The following DLG2 variants were observed in gnomAD, a reference collection of about 807,000 sequenced individuals.
The protein encoded by DLG2 is discs large MAGUK scaffold protein 2.
DLG2 carries 45 observed loss-of-function variants against 132.5 expected under a neutral mutation model. That is an observed-to-expected ratio of 0.34 (90% CI 0.27 to 0.44). The LOEUF (loss-of-function observed/expected upper bound fraction) is 0.44, where lower values mean the gene tolerates loss of function less well. Among genes scored for constraint, DLG2 ranks in the 20% least tolerant of loss-of-function variants. The probability of loss-of-function intolerance (pLI) is 1.00; values close to 1 mark genes in which losing one functional copy is unlikely to be tolerated. For synonymous variants in DLG2, 424 were observed against 419.6 expected, an observed-to-expected ratio of 1.01 and a Z score of -0.13; for missense variants, 1,045 against 1,196.9, an observed-to-expected ratio of 0.87 and a Z score of 1.87.
intron 6 of DLG2, among the ~76,000 whole-genome samples, chr11:85,057,563 G>A (rs2063582663): frequency 1.3e-5 from 2 of 151,540 alleles, no homozygotes; most frequent in Admixed American, 6.6e-5. Flanking sequence ...GACTTCAGAG[G>A]TGAATTATTC....
At chr11:84,884,881 T>C (rs1280689521) in intron 6 of DLG2, among the ~76,000 whole-genome samples, 1 of 152,134 alleles carries the variant, frequency 6.6e-6, no homozygotes, top group Non-Finnish European at 1.5e-5. Context: ...GCTGAAATCA[T>C]GTGCTATCCC....
At chr11:85,486,201 GA>G (rs2093425329) in intron 3 of DLG2, among the ~76,000 whole-genome samples, 1 of 152,070 alleles carries the variant, frequency 6.6e-6, no homozygotes, top group Non-Finnish European at 1.5e-5. Flanking sequence ...AGGGAAAGAG[GA>G]GACCAGGCAC....
chr11:83,823,019 C>G (rs907090339), intron 17 of DLG2, among the ~76,000 whole-genome samples: 1 of 152,078 alleles, frequency 6.6e-6, no homozygotes, highest in Non-Finnish European at 1.5e-5. Flanking sequence ...TCCTACCTAT[C>G]CTGAAGGTAC....
intron 11 of DLG2, among the ~76,000 whole-genome samples, chr11:84,029,085 A>C (rs2095620321): frequency 6.6e-6 from 1 of 152,122 alleles, no homozygotes; most frequent in African/African-American, 2.4e-5. Flanking sequence ...AACTCTACAC[A>C]GGATTACTGC....
intron 4 of DLG2, among the ~76,000 whole-genome samples, chr11:85,283,613 A>G (rs1189438576): frequency 6.6e-6 from 1 of 151,882 alleles, no homozygotes; most frequent in Non-Finnish European, 1.5e-5. Context: ...AGAAAAATAG[A>G]CAACCAATAA....
At position 83,804,579 on chromosome 11, in the gene DLG2, GACACACAC is replaced by G. The variant is rs61221099; in HGVS notation, c.1723-17795_1723-17788del. Among the ~76,000 whole-genome samples the G allele has an allele frequency of 2.8e-5, 4 of 142,120 alleles. No individual in the cohort carries two copies. In the South Asian group the frequency reaches 9.1e-4, roughly 32 times the overall value. 93.2% of individuals were successfully genotyped at this position (142,120 alleles called of 152,430 possible). ...TTACCTACCTATCTGCCTAGCAGAA[GACACACAC>G]ACACACACACACACACACACAGACA... is the stretch of plus-strand genomic sequence containing the variant. On this transcript the variant is annotated intron_variant, in intron 17 of 27. Coordinates refer to ENST00000376104, the MANE Select transcript of DLG2 (RefSeq NM_001142699.3).
At chr11:85,506,752 G>A (rs1371850472) in intron 3 of DLG2, among the ~76,000 whole-genome samples, 1 of 152,192 alleles carries the variant, frequency 6.6e-6, no homozygotes, top group African/African-American at 2.4e-5. Flanking sequence ...GCAGAGCTGA[G>A]TTCAAGTCCT....
intron 18 of DLG2, among the ~76,000 whole-genome samples, chr11:83,738,575 C>A (rs1441153609): frequency 6.6e-6 from 1 of 152,030 alleles, no homozygotes. Context: ...GAGATACAGT[C>A]AGACGGAGAA....
chr11:83,943,884 A>G (rs2154141053), intron 14 of DLG2, among the ~76,000 whole-genome samples: 1 of 152,270 alleles, frequency 6.6e-6, no homozygotes, highest in South Asian at 2.1e-4. Flanking sequence ...AAGTATCTCT[A>G]TTGCCTGAAT....
chr11:83,637,356 T>C (rs994334352), intron 18 of DLG2, among the ~76,000 whole-genome samples: 6 of 152,196 alleles, frequency 3.9e-5, no homozygotes, highest in African/African-American at 1.4e-4. Flanking sequence ...AATGCTTCAA[T>C]TTTTATATCA....
chr11:85,042,536 C>G (rs1039233196), intron 6 of DLG2, among the ~76,000 whole-genome samples: 5 of 151,956 alleles, frequency 3.3e-5, no homozygotes, highest in African/African-American at 1.2e-4. Context: ...ACTTTGCTCT[C>G]TGACAAATGA....
intron 3 of DLG2, among the ~76,000 whole-genome samples, chr11:85,449,381 C>G (rs1292792924): frequency 1.3e-5 from 2 of 151,972 alleles, no homozygotes; most frequent in Admixed American, 1.3e-4. Context: ...TTCTTTAACT[C>G]TATCCTTTAT....
At chr11:83,650,983 G>A (rs946131599) in intron 18 of DLG2, among the ~76,000 whole-genome samples, 1 of 152,120 alleles carries the variant, frequency 6.6e-6, no homozygotes, top group Non-Finnish European at 1.5e-5. Flanking sequence ...TCTTTTAAAT[G>A]AAATTAATCA....
chr11:83,927,032 T>A (rs2154126704), intron 15 of DLG2, among the ~76,000 whole-genome samples: 1 of 152,302 alleles, frequency 6.6e-6, no homozygotes, highest in African/African-American at 2.4e-5. Flanking sequence ...GTTCTAGTTA[T>A]TATTTGTTTC....
chr11:84,478,994 C>T lies in DLG2; in HGVS notation c.519+55576G>A, dbSNP rs1180411398. On this transcript the variant is annotated intron_variant, in intron 7 of 27. Transcript: ENST00000376104. ...TTATTTGTGACCTGGTAAAATACTA[C>T]TCCTTTAGTCCATTATAATTCTAAG... Among the ~76,000 whole-genome samples the T allele has an allele frequency of 2.6e-5, 4 of 152,162 alleles. No homozygotes were observed. In the East Asian group the frequency reaches 7.7e-4, roughly 29 times the overall value.
At chr11:84,407,201 A>C (rs756693042) in intron 7 of DLG2, among the ~76,000 whole-genome samples, 2 of 151,920 alleles carry the variant, frequency 1.3e-5, no homozygotes, top group South Asian at 2.1e-4. Context: ...AGGCTCCCCA[A>C]ACCTGGAAGT....
At chr11:84,830,370 G>GTTT (rs1367498436) in intron 6 of DLG2, among the ~76,000 whole-genome samples, 4 of 141,970 alleles carry the variant, frequency 2.8e-5, no homozygotes, top group Non-Finnish European at 3.1e-5. Flanking sequence ...CGTCATCTAC[G>GTTT]TTTTTTTTTT....
intron 6 of DLG2, among the ~76,000 whole-genome samples, chr11:85,103,379 C>T (rs1333280808): frequency 6.6e-6 from 1 of 151,940 alleles, no homozygotes; most frequent in African/African-American, 2.4e-5. Flanking sequence ...ATAATCAAGA[C>T]AGTGTGGCAC....
chr11:84,207,767 G>T (rs1257114265), intron 8 of DLG2, among the ~76,000 whole-genome samples: 1 of 152,010 alleles, frequency 6.6e-6, no homozygotes, highest in East Asian at 1.9e-4. Flanking sequence ...AACCATAAAA[G>T]AAAATTTTAT....
Sources: gnomAD v4.1 joint callset for allele counts (sites outside exome capture counted in the v4.1 genomes callset) on GRCh38, gnomAD v4.1.1 for gene constraint, MANE v1.5 for transcripts, NCBI Gene and HGNC (gene_info 2026-07-23, HGNC 2026-07-21) for gene names.